The following PMS2 variants were observed in gnomAD, a reference collection of about 807,000 sequenced individuals.
PMS2 encodes the protein mismatch repair endonuclease PMS2.
A neutral mutation model predicts 90.0 loss-of-function variants in PMS2; 69 were observed. The observed-to-expected ratio is 0.77, with a 90% CI of 0.63 to 0.94. The LOEUF (loss-of-function observed/expected upper bound fraction) is 0.94, where lower values mean the gene tolerates loss of function less well. Ranked by LOEUF, PMS2 falls within the 40% of genes least tolerant of loss-of-function variation. PMS2 has a pLI of 0.00. For synonymous variants in PMS2, 332 were observed against 375.1 expected, an observed-to-expected ratio of 0.89 and a Z score of 1.33; for missense variants, 966 against 1,040.2, an observed-to-expected ratio of 0.93 and a Z score of 0.98.
At position 6,004,059 on chromosome 7, in the gene PMS2, C is replaced by T. The variant is rs763308607; in HGVS notation, c.164-1G>A. ...ACTCCATAGTCCTTAAGCTTTAGAT[C>T]TAGAAAGTTTAAAATATTTACATAT... On this transcript the variant is annotated splice_acceptor_variant, in intron 2 of 14. Coordinates refer to ENST00000265849, the MANE Select transcript of PMS2 (RefSeq NM_000535.7). LOFTEE classifies it high-confidence loss of function. 3.9e-6 allele frequency: 6 copies of T among 1,519,112 alleles called. No homozygotes were observed. Among genetic ancestry groups the T allele is most frequent in the Non-Finnish European group, 5.5e-6 (6 of 1,097,042 alleles). 94.1% of individuals were successfully genotyped at this position (1,519,112 alleles called of 1,614,324 possible).
intron 2 of PMS2, among the ~76,000 whole-genome samples, chr7:6,005,250 G>C (rs1321762661): frequency 6.6e-6 from 1 of 151,922 alleles, no homozygotes; most frequent in African/African-American, 2.4e-5. Flanking sequence ...CTGTCCCCAG[G>C]CTGGCATGCA....
rs63750668 is a variant in PMS2 at position 5,987,077 on chromosome 7, C to A, written c.1688G>T (p.Arg563Leu). 13,189 of 1,614,018 alleles carry A rather than the reference C, an allele frequency of 8.2e-3. 66 individuals are homozygous for A. The highest frequency in any genetic ancestry group is 9.5e-3 in the Non-Finnish European group (11,164 of 1,179,966). ...GAGATTAGTTGGCTGAGGCAAAACT[C>A]GAAATTTACATCCGGTATCTTCCTG... ...SNQEDTGCKF[R>L]VLPQPTNLAT... is the part of the protein sequence containing the mutation. The change falls in exon 11 of 15, where the codon CGA becomes CTA. Residue 563 changes from arginine (R) to leucine (L), a missense_variant. By Grantham distance (102) the Arg-to-Leu change is moderately radical. Transcript: ENST00000265849.
At chr7:5,990,896 T>C (rs1300192240) in intron 9 of PMS2, among the ~76,000 whole-genome samples, 2 of 152,090 alleles carry the variant, frequency 1.3e-5, no homozygotes, top group Non-Finnish European at 2.9e-5. Flanking sequence ...GTGCCTGTAA[T>C]CCGTGCTACT....
chr7:5,998,077 GTTTTTTTT>G (rs1181173881), intron 6 of PMS2, among the ~76,000 whole-genome samples: 1 of 130,864 alleles, frequency 7.6e-6, no homozygotes, highest in Non-Finnish European at 1.6e-5. Flanking sequence ...TAGGTACTTT[GTTTTTTTT>G]TTTTTTTTTT....
At chr7:5,990,750 C>T (rs1437913077) in intron 9 of PMS2, among the ~76,000 whole-genome samples, 1 of 152,152 alleles carries the variant, frequency 6.6e-6, no homozygotes, top group Non-Finnish European at 1.5e-5. Flanking sequence ...CAGTGGCTCA[C>T]ACCCTGTAAT....
intron 12 of PMS2, among the ~76,000 whole-genome samples, chr7:5,979,201 CAA>C (rs60152367): frequency 1.0e-4 from 5 of 49,458 alleles, no homozygotes; most frequent in African/African-American, 7.8e-5. Flanking sequence ...GACTCTGTCT[CAA>C]AAAAAAAAAA....
At chr7:5,981,569 TTACTC>T (rs1389012215) in intron 12 of PMS2, among the ~76,000 whole-genome samples, 1 of 149,840 alleles carries the variant, frequency 6.7e-6, no homozygotes, top group Non-Finnish European at 1.5e-5. Flanking sequence ...TGACTTCTGA[TTACTC>T]TACTGTCAAT....
chr7:6,008,868 G>C (rs1240244065), intron 1 of PMS2, 129 bp downstream of exon 1: 1 of 1,156,686 alleles, frequency 8.6e-7, no homozygotes. Context: ...CGCCACTCCG[G>C]GGCCTCCAGG....
intron 12 of PMS2, 41 bp downstream of exon 12, chr7:5,982,783 A>C: frequency 6.2e-7 from 1 of 1,610,432 alleles, no homozygotes; most frequent in Non-Finnish European, 8.5e-7. Context: ...TAGATCTTCA[A>C]TTTGAGGGGG....
At chr7:6,007,151 C>A (rs1271843985) in intron 1 of PMS2, among the ~76,000 whole-genome samples, 1 of 151,836 alleles carries the variant, frequency 6.6e-6, no homozygotes, top group East Asian at 1.9e-4. Context: ...AGTCTCACCC[C>A]GTTGCCTATG....
chr7:6,005,415 G>A (rs780146127), intron 2 of PMS2, among the ~76,000 whole-genome samples: 18 of 152,160 alleles, frequency 1.2e-4, no homozygotes, highest in Non-Finnish European at 2.2e-4. Flanking sequence ...ACTTTGGACA[G>A]GCTGGTCTCG....
chr7:6,004,709 CTA>C (rs1210028840), intron 2 of PMS2, among the ~76,000 whole-genome samples: 1 of 131,746 alleles, frequency 7.6e-6, no homozygotes, highest in African/African-American at 2.8e-5. Context: ...GAGCAAAACT[CTA>C]TCTCAAAAAA....
intron 14 of PMS2, among the ~76,000 whole-genome samples, chr7:5,976,454 G>T (rs1025391849): frequency 1.3e-5 from 2 of 151,722 alleles, no homozygotes; most frequent in East Asian, 2.0e-4. Flanking sequence ...TAAAGGAATG[G>T]CGTCCTGGCC....
At chr7:6,000,884 G>C (rs966058975) in intron 5 of PMS2, among the ~76,000 whole-genome samples, 1 of 152,030 alleles carries the variant, frequency 6.6e-6, no homozygotes, top group African/African-American at 2.4e-5. Flanking sequence ...CCAGCTACTC[G>C]AGAGGCTGAG....
At chr7:6,004,259 T>A (rs987201434) in intron 2 of PMS2, 39 of 477,988 alleles carry the variant, frequency 8.2e-5, no homozygotes, top group African/African-American at 5.6e-4. Context: ...GTTTAGCTTT[T>A]TCTTTCTTTC....
chr7:5,987,977 C>G (rs549882329), intron 10 of PMS2, among the ~76,000 whole-genome samples: 2 of 146,198 alleles, frequency 1.4e-5, no homozygotes, highest in Non-Finnish European at 3.0e-5. Flanking sequence ...CCCTTTAGCC[C>G]GGGAGGCAGA....
At chr7:5,982,794 A>T (rs2128701836) in intron 12 of PMS2, 30 bp downstream of exon 12, 1 of 1,609,506 alleles carries the variant, frequency 6.2e-7, no homozygotes, top group Non-Finnish European at 8.5e-7. Flanking sequence ...TTTGAGGGGG[A>T]GTCTGGGAAT....
chr7:6,000,856 T>G (rs2345059), intron 5 of PMS2, among the ~76,000 whole-genome samples: 20,596 of 151,986 alleles, frequency 0.14, 1,779 homozygotes, highest in East Asian at 0.31. Context: ...CTGGGCGTGG[T>G]GGCGCACACC....
At chr7:5,984,152 T>C (rs1444930234) in intron 11 of PMS2, among the ~76,000 whole-genome samples, 3 of 151,814 alleles carry the variant, frequency 2.0e-5, no homozygotes, top group Non-Finnish European at 4.4e-5. Flanking sequence ...GAGAACTACA[T>C]ATGTACTTCT....
Sources: allele counts gnomAD v4.1 joint callset (sites outside exome capture counted in the v4.1 genomes callset), GRCh38; gene constraint gnomAD v4.1.1; transcripts MANE v1.5; gene names NCBI Gene and HGNC (gene_info 2026-07-23, HGNC 2026-07-21).